Variants in RIN3 observed in about 807,000 individuals in gnomAD.
RIN3 encodes Ras and Rab interactor 3, also known as RAB5 interacting protein 3.
In RIN3, 54 loss-of-function variants were observed where a neutral mutation model predicts 76.3. That is an observed-to-expected ratio of 0.71 (90% confidence interval 0.57 to 0.89). The LOEUF (loss-of-function observed/expected upper bound fraction) is 0.89, where lower values mean the gene tolerates loss of function less well. Among genes scored for constraint, RIN3 ranks in the 40% least tolerant of loss-of-function variants. The pLI is 0.00. For synonymous variants in RIN3, 576 were observed against 564.0 expected (o/e 1.02, Z -0.30); for missense variants, 1,256 against 1,322.1 (o/e 0.95, Z 0.78).
Position 92,652,356 on chromosome 14 carries a change from C to T in RIN3, c.1307C>T (p.Thr436Ile), listed in dbSNP as rs1566887816. The T allele has an allele frequency of 6.2e-7, 1 of 1,607,282 alleles. No homozygotes were observed. Among genetic ancestry groups the T allele is most frequent in the South Asian group, 1.1e-5 (1 of 90,074 alleles). ...GAGAGCACGGAGCAAGGCCAGGACA[C>T]AGAGGTGAAAGCCAGCGATCCTCAC... ...PRESTEQGQD[T>I]EVKASDPHSM... The change falls in exon 6 of 10, where the codon ACA becomes ATA. Residue 436 changes from threonine (T) to isoleucine (I), a missense_variant. Transcript: ENST00000216487. The surrounding 1 kb of genome is among the most constrained non-coding windows in gnomAD (Gnocchi z 6.4).
intron 1 of RIN3, among the ~76,000 whole-genome samples, chr14:92,548,678 T>G (rs563384078): frequency 4.6e-5 from 7 of 152,272 alleles, no homozygotes; most frequent in African/African-American, 1.7e-4. Context: ...ACCTCATCTG[T>G]GTCTCTCTGT....
intron 5 of RIN3, among the ~76,000 whole-genome samples, chr14:92,641,617 A>T (rs1422225530): frequency 6.6e-6 from 1 of 152,064 alleles, no homozygotes; most frequent in Non-Finnish European, 1.5e-5. Flanking sequence ...GGAGAAGCCG[A>T]GCTTTACCCC....
At chr14:92,544,267 C>T (rs1274214069) in intron 1 of RIN3, among the ~76,000 whole-genome samples, 1 of 152,114 alleles carries the variant, frequency 6.6e-6, no homozygotes, top group Admixed American at 6.5e-5. Context: ...TCTCCCAGCC[C>T]CAAATGCCTG....
intron 3 of RIN3, among the ~76,000 whole-genome samples, chr14:92,613,721 G>A (rs775468940): frequency 9.9e-5 from 15 of 152,114 alleles, no homozygotes; most frequent in Non-Finnish European, 1.9e-4. Context: ...GGGGGGAAAG[G>A]GCACGCTCTA....
Position 92,514,635 on chromosome 14 carries a change from A to G in RIN3, c.44+659A>G, listed in dbSNP as rs1387017818. Among the ~76,000 whole-genome samples, 2 of 152,170 alleles carry G rather than the reference A, an allele frequency of 1.3e-5. No homozygotes were observed. The highest frequency in any genetic ancestry group is 2.9e-5 in the Non-Finnish European group (2 of 68,030). On this transcript the variant is annotated intron_variant, in intron 1 of 9. Coordinates refer to ENST00000216487, the MANE Select transcript of RIN3 (RefSeq NM_024832.5). This position sits in a 1 kb window ranked among gnomAD's most constrained non-coding sequence, Gnocchi z 7.2. ...CGCACGGGCTGCGCGCGGGCTGTGG[A>G]TGCATGACGCCGAATGGTTTGGGAA...
intron 2 of RIN3, chr14:92,576,133 C>G (rs1410483152): frequency 1.0e-6 from 1 of 1,000,478 alleles, no homozygotes; most frequent in African/African-American, 1.7e-5. Context: ...GCCCCCTCCC[C>G]CTTCCTGGGG....
chr14:92,583,430 A>T (rs191188004), intron 3 of RIN3, among the ~76,000 whole-genome samples: 1 of 152,382 alleles, frequency 6.6e-6, no homozygotes, highest in African/African-American at 2.4e-5. Flanking sequence ...GGTAACAAAC[A>T]ACCCTAACCC....
At chr14:92,525,143 G>A (rs1896696507) in intron 1 of RIN3, among the ~76,000 whole-genome samples, 1 of 152,180 alleles carries the variant, frequency 6.6e-6, no homozygotes, top group Non-Finnish European at 1.5e-5. Flanking sequence ...GTATGGGGGT[G>A]GGGTGGGGGT....
At chr14:92,684,788 G>A (rs1387265417) in intron 8 of RIN3, among the ~76,000 whole-genome samples, 199 bp from the exon 9 acceptor site, 1 of 152,130 alleles carries the variant, frequency 6.6e-6, no homozygotes. Context: ...AGACAGCTCA[G>A]GGCTGGACTC....
At chr14:92,640,120 G>GCA (rs1886949730) in intron 4 of RIN3, among the ~76,000 whole-genome samples, 1 of 144,148 alleles carries the variant, frequency 6.9e-6, no homozygotes, top group Non-Finnish European at 1.5e-5. Flanking sequence ...GCCTGACTGC[G>GCA]TTTGCTGGGA....
At chr14:92,613,703 G>C (rs532074161) in intron 3 of RIN3, among the ~76,000 whole-genome samples, 1 of 152,154 alleles carries the variant, frequency 6.6e-6, no homozygotes, top group Non-Finnish European at 1.5e-5. Context: ...GAAGGACAGA[G>C]GCACTGAGGG....
At position 92,662,833 on chromosome 14, in the gene RIN3, A is replaced by G. The variant is rs531289642; in HGVS notation, c.2335+3364A>G. ...GACTGAGCAGCAACATTCAAACAGCATGATTTTTTTTTTTTTTAACACGGG... is the reference window on the plus strand; with the variant it reads ...GACTGAGCAGCAACATTCAAACAGCGTGATTTTTTTTTTTTTTAACACGGG... On this transcript the variant is annotated intron_variant, in intron 7 of 9. Transcript: ENST00000216487. 7.3e-5 allele frequency among the ~76,000 whole-genome samples: 8 copies of G among 110,068 alleles called. No homozygotes were observed. The South Asian group carries it at 2.2e-3, about 30-fold the overall frequency. The allele number at this position is 110,068 out of a possible 152,430, so 72.2% of individuals were successfully genotyped here.
chr14:92,666,895 T>C (rs1888124474), intron 7 of RIN3, among the ~76,000 whole-genome samples: 1 of 152,206 alleles, frequency 6.6e-6, no homozygotes. Context: ...AACACCCTGA[T>C]ACCACCCACG....
chr14:92,538,550 T>C (rs1897062192), intron 1 of RIN3, among the ~76,000 whole-genome samples: 1 of 152,178 alleles, frequency 6.6e-6, no homozygotes, highest in African/African-American at 2.4e-5. Flanking sequence ...TTTCTAGTTT[T>C]CCACAACTGC....
intron 3 of RIN3, among the ~76,000 whole-genome samples, chr14:92,593,637 A>G (rs972934752): frequency 6.6e-6 from 1 of 152,216 alleles, no homozygotes; most frequent in Non-Finnish European, 1.5e-5. Context: ...ACATTTATAC[A>G]TATGTAACAA....
At chr14:92,520,446 TGAAGG>T (rs1896566821) in intron 1 of RIN3, among the ~76,000 whole-genome samples, 1 of 152,202 alleles carries the variant, frequency 6.6e-6, no homozygotes, top group African/African-American at 2.4e-5. Context: ...TACTCCCCTG[TGAAGG>T]TGGCCTCCAT....
Position 92,651,765 on chromosome 14 carries a change from T to G in RIN3, c.716T>G (p.Phe239Cys), listed in dbSNP as rs761533356. Residue 239 changes from phenylalanine (F) to cysteine (C), a missense_variant, in exon 6 of 10, where the codon TTC (phenylalanine) becomes TGC (cysteine). Phe to Cys is a radical substitution (Grantham distance 205). Transcript: ENST00000216487. ...NDRLWFVNPI[F>C]IEDCSSALPT... ...CGCCTGTGGTTTGTGAATCCTATTT[T>G]CATCGAGGACTGCAGCAGCGCCCTG... 1.9e-6 allele frequency: 3 copies of G among 1,613,934 alleles called. No individual in the cohort carries two copies. The highest frequency in any genetic ancestry group is 3.3e-5 in the Admixed American group (2 of 59,996).
rs779830733 is a variant in RIN3 at position 92,651,880 on chromosome 14, A to G, written c.831A>G (p.Pro277=). 6.5e-7 allele frequency: 1 copy of G among 1,540,916 alleles called. No homozygotes were observed. Among genetic ancestry groups the G allele is most frequent in the Admixed American group, 1.8e-5 (1 of 54,094 alleles). The change falls in exon 6 of 10, where the codon CCA becomes CCG. Residue 277 remains proline, a synonymous_variant. Transcript: ENST00000216487. ...CCTCACCCACCTCCAGGTGGGCCCCACGCCGCCCACCACCCCCTCCCCCAG... is the reference window on the plus strand; with the variant it reads ...CCTCACCCACCTCCAGGTGGGCCCCGCGCCGCCCACCACCCCCTCCCCCAG... ...DATSPTSRWA[P]RRPPPPPPVL... is the part of the protein sequence containing the mutation.
At chr14:92,674,142 C>T (rs1375262299) in intron 7 of RIN3, among the ~76,000 whole-genome samples, 7 of 152,212 alleles carry the variant, frequency 4.6e-5, no homozygotes, top group African/African-American at 1.4e-4. Context: ...TCGGGCACCT[C>T]GTTCTCCAAC....
Sources: gnomAD v4.1 joint callset for allele counts (sites outside exome capture counted in the v4.1 genomes callset) on GRCh38, gnomAD v4.1.1 for gene constraint, Gnocchi (gnomAD v3.1) non-coding constraint, MANE v1.5 for transcripts, NCBI Gene and HGNC (gene_info 2026-07-23, HGNC 2026-07-21) for gene names.